The following MOB3B variants were observed in gnomAD, a reference collection of about 807,000 sequenced individuals.
The protein encoded by MOB3B is MOB kinase activator-like 2B.
In MOB3B, 7 loss-of-function variants were observed where a neutral mutation model predicts 18.7. The observed-to-expected ratio is 0.37, with a 90% CI of 0.21 to 0.70. MOB3B has a LOEUF of 0.70. Among genes scored for constraint, MOB3B ranks in the 30% least tolerant of loss-of-function variants. The probability of loss-of-function intolerance (pLI) is 0.52; values close to 1 mark genes in which losing one functional copy is unlikely to be tolerated. For synonymous variants in MOB3B, 111 were observed against 99.9 expected, an observed-to-expected ratio of 1.11 and a Z score of -0.66; for missense variants, 253 against 281.3, an observed-to-expected ratio of 0.90 and a Z score of 0.72.
intron 2 of MOB3B, among the ~76,000 whole-genome samples, chr9:27,449,319 T>C (rs1257024678): frequency 6.6e-6 from 1 of 152,238 alleles, no homozygotes; most frequent in Non-Finnish European, 1.5e-5. Flanking sequence ...TCCAAGAGTT[T>C]TGGTTGGCAG....
At chr9:27,456,672 A>T in intron 1 of MOB3B, among the ~76,000 whole-genome samples, 1 of 152,166 alleles carries the variant, frequency 6.6e-6, no homozygotes, top group Non-Finnish European at 1.5e-5. Context: ...GCCGTCCTTT[A>T]TACCCTTCAT....
intron 1 of MOB3B, among the ~76,000 whole-genome samples, chr9:27,514,785 T>G (rs1243622116): frequency 6.6e-6 from 1 of 152,024 alleles, no homozygotes; most frequent in Non-Finnish European, 1.5e-5. Context: ...ACCAACAACC[T>G]CTGCAGCATG....
chr9:27,352,224 T>C (rs1821115842), intron 3 of MOB3B, among the ~76,000 whole-genome samples: 1 of 151,410 alleles, frequency 6.6e-6, no homozygotes, highest in Non-Finnish European at 1.5e-5. Flanking sequence ...CTACAAAAAA[T>C]TTAAAAATTA....
At chr9:27,482,332 C>T (rs1819673180) in intron 1 of MOB3B, among the ~76,000 whole-genome samples, 2 of 152,140 alleles carry the variant, frequency 1.3e-5, no homozygotes, top group Admixed American at 6.5e-5. Flanking sequence ...GATGTTTGTT[C>T]CACCAGGTCT....
At chr9:27,445,830 C>T (rs972434106) in intron 2 of MOB3B, among the ~76,000 whole-genome samples, 1 of 152,006 alleles carries the variant, frequency 6.6e-6, no homozygotes, top group Non-Finnish European at 1.5e-5. Flanking sequence ...TAAGCAGGAG[C>T]CTCCCATTGC....
At chr9:27,390,008 C>G (rs1821704841) in intron 2 of MOB3B, among the ~76,000 whole-genome samples, 1 of 151,988 alleles carries the variant, frequency 6.6e-6, no homozygotes, top group Non-Finnish European at 1.5e-5. Flanking sequence ...TAGAAGTACA[C>G]CAATTTCCTA....
intron 2 of MOB3B, among the ~76,000 whole-genome samples, chr9:27,413,115 TAGC>T (rs1822097621): frequency 6.6e-6 from 1 of 152,166 alleles, no homozygotes. Flanking sequence ...GGGCCCAAAA[TAGC>T]AGTCAGTAGT....
Position 27,388,242 on chromosome 9 carries a change from C to G in MOB3B, c.419-29006G>C, listed in dbSNP as rs772403431. Among the ~76,000 whole-genome samples the G allele has an allele frequency of 5.6e-4, 85 of 152,166 alleles. 2 individuals are homozygous for G. Among genetic ancestry groups the G allele is most frequent in the Non-Finnish European group, 4.4e-4 (30 of 68,030 alleles). On this transcript the variant is annotated intron_variant, in intron 2 of 3. Coordinates refer to ENST00000262244, the MANE Select transcript of MOB3B (RefSeq NM_024761.5). ...GAGCTAATCTAGTTTCCAAAGGTGACTGATTTGCGTCTAAAATGATTTATG... is the reference window on the plus strand; with the variant it reads ...GAGCTAATCTAGTTTCCAAAGGTGAGTGATTTGCGTCTAAAATGATTTATG...
intron 2 of MOB3B, among the ~76,000 whole-genome samples, chr9:27,381,159 C>T (rs1290293697): frequency 6.6e-6 from 1 of 152,036 alleles, no homozygotes. Flanking sequence ...ATCCTGTTTT[C>T]CTCTTATCTA....
chr9:27,429,919 G>C (rs1662258094), intron 2 of MOB3B, among the ~76,000 whole-genome samples: 1 of 152,202 alleles, frequency 6.6e-6, no homozygotes, highest in Non-Finnish European at 1.5e-5. Context: ...CTGAGGGTTA[G>C]AAGATCTAAG....
intron 3 of MOB3B, among the ~76,000 whole-genome samples, chr9:27,344,062 A>AT (rs1367713788): frequency 1.3e-5 from 2 of 152,078 alleles, no homozygotes; most frequent in Non-Finnish European, 2.9e-5. Context: ...AAGACACTAA[A>AT]TTTCCTTATG....
At chr9:27,364,365 C>G (rs1445825249) in intron 2 of MOB3B, among the ~76,000 whole-genome samples, 1 of 146,186 alleles carries the variant, frequency 6.8e-6, no homozygotes, top group Admixed American at 6.6e-5. Context: ...TTAAAAATCA[C>G]TATTCTTGAG....
chr9:27,408,454 G>C (rs529429083), intron 2 of MOB3B, among the ~76,000 whole-genome samples: 1 of 152,160 alleles, frequency 6.6e-6, no homozygotes, highest in Non-Finnish European at 1.5e-5. Flanking sequence ...AGCAAAGGGG[G>C]AAATCCATAA....
At chr9:27,422,608 G>T (rs1048407850) in intron 2 of MOB3B, among the ~76,000 whole-genome samples, 1 of 152,188 alleles carries the variant, frequency 6.6e-6, no homozygotes, top group African/African-American at 2.4e-5. Context: ...ACAATTTGAG[G>T]GGAGTGATGC....
At chr9:27,410,456 T>C (rs907730844) in intron 2 of MOB3B, among the ~76,000 whole-genome samples, 8 of 152,122 alleles carry the variant, frequency 5.3e-5, no homozygotes, top group African/African-American at 1.7e-4. Context: ...AAATTGCACC[T>C]AGCTAGGAAA....
At chr9:27,515,998 G>T (rs1382340675) in intron 1 of MOB3B, among the ~76,000 whole-genome samples, 1 of 152,230 alleles carries the variant, frequency 6.6e-6, no homozygotes, top group Non-Finnish European at 1.5e-5. Flanking sequence ...GGCCATTGAA[G>T]GGCCACGTGA....
chr9:27,359,318 G>A (rs974177029), intron 2 of MOB3B, 82 bp from the exon 3 acceptor site: 2 of 1,227,828 alleles, frequency 1.6e-6, no homozygotes, highest in Non-Finnish European at 1.2e-6. Context: ...AAAACTGTCT[G>A]AGGGCAATGC....
At chr9:27,339,483 A>G (rs1369778863) in intron 3 of MOB3B, among the ~76,000 whole-genome samples, 1 of 152,244 alleles carries the variant, frequency 6.6e-6, no homozygotes, top group Non-Finnish European at 1.5e-5. Flanking sequence ...ATCATTAACC[A>G]AAGTGTCTTG....
At chr9:27,362,905 C>T (rs1045296905) in intron 2 of MOB3B, among the ~76,000 whole-genome samples, 1 of 152,322 alleles carries the variant, frequency 6.6e-6, no homozygotes. Context: ...TTAAATAAAC[C>T]TCAGAAGGTG....
Sources: allele counts gnomAD v4.1 joint callset (sites outside exome capture counted in the v4.1 genomes callset), GRCh38; gene constraint gnomAD v4.1.1; transcripts MANE v1.5; gene names NCBI Gene and HGNC (gene_info 2026-07-23, HGNC 2026-07-21).